The following CHCHD3 variants were observed in gnomAD, a reference collection of about 807,000 sequenced individuals.
CHCHD3 encodes the protein coiled-coil-helix-coiled-coil-helix domain containing 3, also known as MICOS complex subunit MIC19.
Under a neutral mutation model 38.2 loss-of-function variants are expected in CHCHD3, and 20 were observed. The ratio of observed to expected loss-of-function variants is 0.52; its 90% CI spans 0.37 to 0.76. CHCHD3 has a LOEUF of 0.76. CHCHD3 is among the 30% of genes least tolerant of loss of function. The pLI is 0.00. For missense variants in CHCHD3, 245 were observed against 279.2 expected (o/e 0.88, Z 0.87); for synonymous variants, 82 against 100.0 (o/e 0.82, Z 1.07).
At chr7:132,921,088 G>A (rs150353497) in intron 4 of CHCHD3, among the ~76,000 whole-genome samples, 137 of 152,160 alleles carry the variant, frequency 9.0e-4, no homozygotes, top group African/African-American at 3.3e-3. Context: ...CCAGGAAGAA[G>A]CAAAACCCAT....
At chr7:133,067,319 T>C (rs1814697248) in intron 2 of CHCHD3, among the ~76,000 whole-genome samples, 1 of 152,222 alleles carries the variant, frequency 6.6e-6, no homozygotes, top group African/African-American at 2.4e-5. Context: ...CAAATTCCAA[T>C]TTTAAATGTA....
chr7:132,842,875 AT>A (rs1317796701), intron 5 of CHCHD3, among the ~76,000 whole-genome samples: 1 of 152,056 alleles, frequency 6.6e-6, no homozygotes, highest in African/African-American at 2.4e-5. Context: ...CAAAGCTACC[AT>A]TTTTCCTTCC....
chr7:132,959,557 C>T (rs909760309), intron 4 of CHCHD3, among the ~76,000 whole-genome samples: 3 of 151,518 alleles, frequency 2.0e-5, no homozygotes, highest in African/African-American at 4.9e-5. Flanking sequence ...ACTCTGTCTC[C>T]GATGAAAATA....
intron 3 of CHCHD3, among the ~76,000 whole-genome samples, chr7:133,013,185 C>CA (rs778964079): frequency 0.16 from 2,926 of 18,330 alleles, 148 homozygotes; most frequent in Non-Finnish European, 0.23. Flanking sequence ...GACTCCGCCT[C>CA]AAAAAAAAAA....
chr7:132,808,723 GTTAT>G (rs905740757), intron 6 of CHCHD3, among the ~76,000 whole-genome samples: 25 of 139,638 alleles, frequency 1.8e-4, no homozygotes, highest in African/African-American at 5.9e-4. Flanking sequence ...TTCTTTTGTT[GTTAT>G]TTATTTTCCT....
chr7:132,968,546 T>C (rs1190215106), intron 4 of CHCHD3, among the ~76,000 whole-genome samples: 1 of 152,196 alleles, frequency 6.6e-6, no homozygotes, highest in Non-Finnish European at 1.5e-5. Flanking sequence ...TGGAGGTTAG[T>C]GTCTAGGGCA....
intron 7 of CHCHD3, among the ~76,000 whole-genome samples, chr7:132,793,856 G>C (rs907616189): frequency 2.0e-5 from 3 of 152,216 alleles, no homozygotes; most frequent in African/African-American, 7.2e-5. Context: ...AGAAGAAAAT[G>C]TAAGAAGTTG....
At chr7:133,053,513 T>C (rs546805236) in intron 2 of CHCHD3, among the ~76,000 whole-genome samples, 1 of 152,296 alleles carries the variant, frequency 6.6e-6, no homozygotes, top group Admixed American at 6.5e-5. Flanking sequence ...AAGCCAAATA[T>C]AATACTTTTG....
At chr7:132,918,042 T>A (rs1810161069) in intron 4 of CHCHD3, among the ~76,000 whole-genome samples, 1 of 152,042 alleles carries the variant, frequency 6.6e-6, no homozygotes, top group African/African-American at 2.4e-5. Context: ...AAGATTTAAG[T>A]CATTTTGTCT....
chr7:132,974,795 AC>A (rs1811716610), intron 4 of CHCHD3, among the ~76,000 whole-genome samples: 1 of 151,166 alleles, frequency 6.6e-6, no homozygotes, highest in Non-Finnish European at 1.5e-5. Context: ...AATCACTTGA[AC>A]CCCGGAGGCG....
chr7:133,070,610 C>T lies in CHCHD3; in HGVS notation c.82-381G>A, dbSNP rs541585590. On this transcript the variant is annotated intron_variant, in intron 1 of 7. Coordinates refer to ENST00000262570, the MANE Select transcript of CHCHD3 (RefSeq NM_017812.4). ...TTAGCTCCTTCCCTCCCTCTAGTCC[C>T]GAAGGAAAGTGTTCCTTCCCTCTCC... Among the ~76,000 whole-genome samples, 46 of 152,192 alleles carry T rather than the reference C, an allele frequency of 3.0e-4. 1 individual carries two copies. The highest frequency in any genetic ancestry group is 1.1e-3 in the Admixed American group (17 of 15,284).
intron 1 of CHCHD3, among the ~76,000 whole-genome samples, chr7:133,075,100 G>A (rs1464867637): frequency 6.6e-6 from 1 of 152,146 alleles, no homozygotes; most frequent in African/African-American, 2.4e-5. Context: ...TGCTCTCTAG[G>A]TAGTAGGAGT....
chr7:133,008,777 G>A (rs540040552), intron 3 of CHCHD3, among the ~76,000 whole-genome samples: 2 of 152,080 alleles, frequency 1.3e-5, no homozygotes, highest in Admixed American at 6.5e-5. Flanking sequence ...CCCTGGTATC[G>A]ATTTTAATAT....
At chr7:132,889,475 C>T (rs1809306738) in intron 4 of CHCHD3, among the ~76,000 whole-genome samples, 1 of 152,052 alleles carries the variant, frequency 6.6e-6, no homozygotes, top group Non-Finnish European at 1.5e-5. Context: ...AAAGGGTGTA[C>T]AGCTATATGC....
intron 4 of CHCHD3, among the ~76,000 whole-genome samples, chr7:132,899,850 T>G (rs893900756): frequency 6.6e-6 from 1 of 152,250 alleles, no homozygotes; most frequent in Non-Finnish European, 1.5e-5. Context: ...CCACATTTCA[T>G]GCGTTACATT....
chr7:132,867,748 TA>T (rs1334836415), intron 5 of CHCHD3, among the ~76,000 whole-genome samples: 1 of 152,208 alleles, frequency 6.6e-6, no homozygotes, highest in Non-Finnish European at 1.5e-5. Context: ...GAAAGACTTA[TA>T]CCAATACCCT....
At position 132,885,743 on chromosome 7, in the gene CHCHD3, A is replaced by C. The variant is rs762860961; in HGVS notation, c.372T>G (p.Ala124=). Residue 124 remains alanine (A), a splice_region_variant and synonymous_variant, in exon 5 of 8, where the codon GCT becomes GCG. Coordinates refer to ENST00000262570, the MANE Select transcript of CHCHD3 (RefSeq NM_017812.4). ...CTCGGTCTTTCTCTTCCAGCTGCCT[A>C]GCCTAAAAAAAGAAATGAGGAATAT... ...EEERAKAKHL[A]RQLEEKDRVL... is the part of the protein sequence containing the mutation. 3.7e-6 allele frequency: 6 copies of C among 1,606,412 alleles called. No individual in the cohort carries two copies. The African/African-American group carries it at 4.0e-5, about 11-fold the overall frequency.
chr7:133,065,672 T>C (rs1814647866), intron 2 of CHCHD3, among the ~76,000 whole-genome samples: 2 of 152,228 alleles, frequency 1.3e-5, no homozygotes. Context: ...ATAACACATC[T>C]AAATTTTAAA....
chr7:132,853,731 A>T (rs1378254935), intron 5 of CHCHD3, among the ~76,000 whole-genome samples: 1 of 152,212 alleles, frequency 6.6e-6, no homozygotes, highest in African/African-American at 2.4e-5. Flanking sequence ...GGGGTATAGA[A>T]TTACTATCCA....
Sources: allele counts gnomAD v4.1 joint callset (sites outside exome capture counted in the v4.1 genomes callset), GRCh38; gene constraint gnomAD v4.1.1; transcripts MANE v1.5; gene names NCBI Gene and HGNC (gene_info 2026-07-23, HGNC 2026-07-21).